NRG1: variants seen among roughly 807,000 people sequenced by gnomAD.
The protein encoded by NRG1 is neuregulin 1.
Under a neutral mutation model 63.8 loss-of-function variants are expected in NRG1, and 18 were observed. That is an observed-to-expected ratio of 0.28 (90% confidence interval 0.19 to 0.42). The LOEUF (loss-of-function observed/expected upper bound fraction) is 0.42, where lower values mean the gene tolerates loss of function less well. Ranked by LOEUF, NRG1 falls within the 10% of genes least tolerant of loss-of-function variation. The pLI is 1.00. For synonymous variants in NRG1, 302 were observed against 301.3 expected, an observed-to-expected ratio of 1.00 and a Z score of -0.02; for missense variants, 762 against 814.7, an observed-to-expected ratio of 0.94 and a Z score of 0.79.
intron 1 of NRG1, among the ~76,000 whole-genome samples, chr8:32,331,406 CT>C (rs1802638892): frequency 6.6e-6 from 1 of 151,010 alleles, no homozygotes; most frequent in East Asian, 1.9e-4. Flanking sequence ...TGATATGCCC[CT>C]GTTGTCCTAG....
At chr8:31,879,228 A>G (rs919363461) in intron 1 of NRG1, among the ~76,000 whole-genome samples, 1 of 152,166 alleles carries the variant, frequency 6.6e-6, no homozygotes, top group African/African-American at 2.4e-5. Flanking sequence ...TTGGGATCAG[A>G]AGGTAGCTAG....
intron 1 of NRG1, among the ~76,000 whole-genome samples, chr8:32,174,517 A>T (rs1017420533): frequency 8.5e-5 from 13 of 152,238 alleles, no homozygotes; most frequent in Middle Eastern, 3.4e-3. Context: ...GACACAAAAA[A>T]CCCTTCAAAA....
chr8:32,476,134 G>A (rs1440185501), intron 1 of NRG1, among the ~76,000 whole-genome samples: 1 of 152,130 alleles, frequency 6.6e-6, no homozygotes, highest in Non-Finnish European at 1.5e-5. Context: ...TTATAAAGGT[G>A]TATTTGACAA....
At chr8:31,747,131 A>G (rs964696974) in intron 1 of NRG1, among the ~76,000 whole-genome samples, 3 of 151,966 alleles carry the variant, frequency 2.0e-5, no homozygotes, top group African/African-American at 7.2e-5. Context: ...ATAGTCAATA[A>G]TAATTTAATT....
intron 1 of NRG1, among the ~76,000 whole-genome samples, chr8:32,219,876 G>C (rs1845629984): frequency 6.6e-6 from 1 of 152,274 alleles, no homozygotes; most frequent in Non-Finnish European, 1.5e-5. Context: ...TAGCCTAAGA[G>C]ATTTTTCCAC....
intron 1 of NRG1, among the ~76,000 whole-genome samples, chr8:32,137,266 C>G (rs932009922): frequency 7.2e-5 from 11 of 151,796 alleles, no homozygotes; most frequent in Admixed American, 6.6e-5. Flanking sequence ...GCCAACATGG[C>G]GAAACCCTGT....
chr8:32,490,896 C>A (rs1189421186), intron 1 of NRG1, among the ~76,000 whole-genome samples: 1 of 152,164 alleles, frequency 6.6e-6, no homozygotes, highest in African/African-American at 2.4e-5. Flanking sequence ...CACCATTCAG[C>A]ACTCCTGTTG....
chr8:32,081,292 T>C (rs1827427062), intron 1 of NRG1, among the ~76,000 whole-genome samples: 1 of 152,138 alleles, frequency 6.6e-6, no homozygotes, highest in Non-Finnish European at 1.5e-5. Flanking sequence ...CTTCAACATA[T>C]GCATTTTGAG....
rs528818947 is a variant in NRG1, at chr8:32,430,039, T to C, written c.38-165789T>C. Among the ~76,000 whole-genome samples the C allele has an allele frequency of 1.8e-4, 27 of 152,290 alleles. 1 individual carries two copies. The highest frequency in any genetic ancestry group is 6.5e-4 in the African/African-American group (27 of 41,590). On this transcript the variant is annotated intron_variant, in intron 1 of 10. Coordinates refer to the NRG1 transcript ENST00000519301. ...CTATAGGTTCAAATAGGCAAGGAAG[T>C]TGCTTAGTAACATCCTGTTCTTGAC...
At chr8:32,286,173 G>A (rs985944874) in intron 1 of NRG1, among the ~76,000 whole-genome samples, 7 of 152,170 alleles carry the variant, frequency 4.6e-5, no homozygotes, top group African/African-American at 1.7e-4. Flanking sequence ...TTGGCCCGTT[G>A]AGTTTTATCA....
intron 1 of NRG1, among the ~76,000 whole-genome samples, chr8:32,169,474 C>T (rs111406779): frequency 6.6e-6 from 1 of 152,132 alleles, no homozygotes; most frequent in African/African-American, 2.4e-5. Flanking sequence ...TCTCATATTA[C>T]TAATAACTTT....
Position 32,252,603 on chromosome 8 carries a change from T to C in NRG1, c.38-343225T>C, listed in dbSNP as rs181142577. On this transcript the variant is annotated intron_variant, in intron 1 of 10. Coordinates refer to the NRG1 transcript ENST00000519301. Reference sequence around the variant, plus strand: ...TGCTGTTTGGGTTACTGTAGCCTTGTAGTATAGTTTGAAGTCAGGTAGCTT... The same window carrying C: ...TGCTGTTTGGGTTACTGTAGCCTTGCAGTATAGTTTGAAGTCAGGTAGCTT... 9.2e-3 allele frequency among the ~76,000 whole-genome samples: 1,396 copies of C among 152,322 alleles called. 34 individuals are homozygous for C. The highest frequency in any genetic ancestry group is 0.031 in the African/African-American group (1,301 of 41,564).
intron 1 of NRG1, among the ~76,000 whole-genome samples, chr8:32,518,187 C>T (rs1037962603): frequency 1.3e-5 from 2 of 152,086 alleles, no homozygotes; most frequent in Non-Finnish European, 2.9e-5. Context: ...TTATTTTGAT[C>T]CTGAACATCC....
chr8:31,881,678 A>T lies in NRG1; in HGVS notation c.37+242247A>T, dbSNP rs544328370. Among the ~76,000 whole-genome samples, 3 of 152,298 alleles carry T rather than the reference A, an allele frequency of 2.0e-5. No individual in the cohort carries two copies. In the South Asian group the frequency reaches 6.2e-4, roughly 32 times the overall value. ...TGCAAAGGAAAAGTCCTTGAAGAAAACTAGAACTACTTTAGCGAATACACA... is the reference window on the plus strand; with the variant it reads ...TGCAAAGGAAAAGTCCTTGAAGAAATCTAGAACTACTTTAGCGAATACACA... On this transcript the variant is annotated intron_variant, in intron 1 of 10. Transcript: ENST00000519301.
chr8:32,720,816 A>C (rs1470092025), intron 5 of NRG1, among the ~76,000 whole-genome samples: 1 of 152,136 alleles, frequency 6.6e-6, no homozygotes, highest in African/African-American at 2.4e-5. Context: ...AAAACAGAAA[A>C]AAAACAGCAA....
chr8:32,680,289 G>T (rs564749500), intron 5 of NRG1, among the ~76,000 whole-genome samples: 1 of 152,252 alleles, frequency 6.6e-6, no homozygotes, highest in African/African-American at 2.4e-5. Flanking sequence ...AATTGCCCCT[G>T]TTTGCCCAGG....
chr8:31,747,787 C>T (rs1460635285), intron 1 of NRG1, among the ~76,000 whole-genome samples: 1 of 151,904 alleles, frequency 6.6e-6, no homozygotes, highest in African/African-American at 2.4e-5. Context: ...AGGAATATGA[C>T]TTGTTTCAAA....
chr8:31,744,061 T>G (rs1015693172), intron 1 of NRG1, among the ~76,000 whole-genome samples: 1 of 152,012 alleles, frequency 6.6e-6, no homozygotes, highest in Admixed American at 6.6e-5. Context: ...ATTTTGGTTA[T>G]CTCTTATTGG....
At chr8:31,912,490 G>A (rs958176271) in intron 1 of NRG1, among the ~76,000 whole-genome samples, 3 of 150,764 alleles carry the variant, frequency 2.0e-5, no homozygotes, top group Non-Finnish European at 4.4e-5. Context: ...AGGCAAAGTA[G>A]AGTGACCTGC....
Sources: gnomAD v4.1 joint callset for allele counts (sites outside exome capture counted in the v4.1 genomes callset) on GRCh38, gnomAD v4.1.1 for gene constraint, MANE v1.5 for transcripts, NCBI Gene and HGNC (gene_info 2026-07-23, HGNC 2026-07-21) for gene names.